Variants in CPXM2 observed in about 807,000 individuals in gnomAD.
CPXM2 encodes the protein inactive carboxypeptidase-like protein X2.
Under a neutral mutation model 86.1 loss-of-function variants are expected in CPXM2, and 66 were observed. The observed-to-expected ratio is 0.77, with a 90% CI of 0.63 to 0.94. The LOEUF (loss-of-function observed/expected upper bound fraction) is 0.94. Ranked by LOEUF, CPXM2 falls within the 40% of genes least tolerant of loss-of-function variation. CPXM2 has a pLI of 0.00. For synonymous variants in CPXM2, 388 were observed against 400.2 expected, an observed-to-expected ratio of 0.97 and a Z score of 0.36; for missense variants, 948 against 1,026.3, an observed-to-expected ratio of 0.92 and a Z score of 1.04.
At chr10:123,831,265 G>A (rs915740580) in intron 4 of CPXM2, among the ~76,000 whole-genome samples, 1 of 152,144 alleles carries the variant, frequency 6.6e-6, no homozygotes, top group African/African-American at 2.4e-5. Flanking sequence ...CCCAAAATCT[G>A]GAATAGTTGC....
At chr10:123,941,138 T>C (rs1945773139), upstream of CPXM2, among the ~76,000 whole-genome samples, 1 of 152,140 alleles carries the variant, frequency 6.6e-6, no homozygotes, top group South Asian at 2.1e-4. Flanking sequence ...GCCACTGCAC[T>C]CCAGCCTGGG....
chr10:123,833,334 C>G (rs942399111), intron 4 of CPXM2, among the ~76,000 whole-genome samples: 1 of 152,100 alleles, frequency 6.6e-6, no homozygotes, highest in African/African-American at 2.4e-5. Context: ...TCCTGCCGGC[C>G]AAATTTATGC....
chr10:123,780,699 T>C (rs1157114134), intron 6 of CPXM2, among the ~76,000 whole-genome samples: 1 of 152,114 alleles, frequency 6.6e-6, no homozygotes, highest in Non-Finnish European at 1.5e-5. Context: ...TCTGGAAGGA[T>C]GTGGACCCTA....
At chr10:123,897,049 C>G (rs1945343523) in intron 2 of CPXM2, among the ~76,000 whole-genome samples, 1 of 151,080 alleles carries the variant, frequency 6.6e-6, no homozygotes, top group Admixed American at 6.6e-5. Context: ...CCCCTTCCCC[C>G]ACCCCCACCC....
At chr10:123,787,870 G>A (rs1223178267) in intron 6 of CPXM2, among the ~76,000 whole-genome samples, 1 of 152,094 alleles carries the variant, frequency 6.6e-6, no homozygotes. Context: ...GGAGGGGCTG[G>A]GGAGTGATTA....
chr10:123,752,487 G>A, intron 13 of CPXM2: 1 of 985,336 alleles, frequency 1.0e-6, no homozygotes. Flanking sequence ...TACATATTTG[G>A]TCTTTTATGC....
intron 11 of CPXM2, among the ~76,000 whole-genome samples, chr10:123,760,300 T>A (rs533208139): frequency 1.3e-5 from 2 of 152,132 alleles, no homozygotes; most frequent in Non-Finnish European, 2.9e-5. Context: ...GTAGGTGGGT[T>A]TTTAGGGCTA....
intron 2 of CPXM2, among the ~76,000 whole-genome samples, chr10:123,900,562 G>A (rs1199408385): frequency 1.3e-5 from 2 of 152,238 alleles, no homozygotes; most frequent in Non-Finnish European, 2.9e-5. Flanking sequence ...GCTGGATGGT[G>A]TCAAGTGTTG....
At chr10:123,830,852 A>ATCTCTCTC (rs150171922) in intron 4 of CPXM2, among the ~76,000 whole-genome samples, 12 of 139,916 alleles carry the variant, frequency 8.6e-5, no homozygotes, top group African/African-American at 3.1e-4. Flanking sequence ...GTATGCACTC[A>ATCTCTCTC]TCTCTCTCTC....
At position 123,761,914 on chromosome 10, in the gene CPXM2, C is replaced by T; in HGVS notation, c.1735G>A (p.Glu579Lys). Residue 579 changes from glutamate (E) to lysine (K), a missense_variant, in exon 11 of 14, where the codon GAG becomes AAG. Physicochemically the swap from Glu to Lys is moderately conservative, Grantham distance 56. Coordinates refer to ENST00000241305, the MANE Select transcript of CPXM2 (RefSeq NM_198148.3). ...CAGGAGGCCCCATTGACAGTGCCCT[C>T]CTCCTTCTGGAAGTCCTCCGTGTGG... The part of the protein sequence containing the change: ...VCHTEDFQKE[E>K]GTVNGASWHT... 1 of 1,613,894 alleles carries T rather than the reference C, an allele frequency of 6.2e-7. No homozygotes were observed. Among genetic ancestry groups the T allele is most frequent in the Non-Finnish European group, 8.5e-7 (1 of 1,179,904 alleles).
At chr10:123,875,877 C>T (rs181250011) in intron 2 of CPXM2, among the ~76,000 whole-genome samples, 27 of 131,562 alleles carry the variant, frequency 2.1e-4, no homozygotes, top group African/African-American at 7.8e-4. Flanking sequence ...AGTGCAATGG[C>T]GTGATCTTGG....
intron 10 of CPXM2, among the ~76,000 whole-genome samples, chr10:123,764,374 G>A (rs1201050797): frequency 6.6e-6 from 1 of 152,122 alleles, no homozygotes; most frequent in Non-Finnish European, 1.5e-5. Flanking sequence ...ATAGTATTGT[G>A]AATAATTGTT....
chr10:123,837,663 A>G (rs546799996), intron 4 of CPXM2, among the ~76,000 whole-genome samples: 2 of 152,338 alleles, frequency 1.3e-5, no homozygotes, highest in African/African-American at 4.8e-5. Context: ...AGGATATTTC[A>G]TAATTGTGAG....
chr10:123,767,046 C>T lies in CPXM2; in HGVS notation c.1406G>A (p.Arg469Gln), dbSNP rs200819708. The change falls in exon 10 of 14, where the codon CGA (arginine) becomes CAA (glutamine). Residue 469 changes from arginine to glutamine, a missense_variant. Physicochemically the swap from Arg to Gln is conservative, Grantham distance 43. Transcript: ENST00000241305. ...GGGAACTTTCCTGGGGACATTCTGT[C>T]GATCCTCTGCCTCCCAGAGCAGCGT... The part of the protein sequence containing the change: ...LNTLLWEAED[R>Q]QNVPRKVPNH... 15 of 1,614,136 alleles carry T rather than the reference C, an allele frequency of 9.3e-6. No homozygotes were observed. In the Admixed American group the frequency reaches 1.7e-4, roughly 18 times the overall value.
At chr10:123,770,133 G>T (rs1846592828) in intron 8 of CPXM2, among the ~76,000 whole-genome samples, 1 of 152,158 alleles carries the variant, frequency 6.6e-6, no homozygotes, top group South Asian at 2.1e-4. Context: ...AATTAGCTGG[G>T]TATGGTGGCA....
chr10:123,879,172 C>A (rs1945041926), intron 2 of CPXM2, among the ~76,000 whole-genome samples: 1 of 152,180 alleles, frequency 6.6e-6, no homozygotes, highest in African/African-American at 2.4e-5. Flanking sequence ...TCTATGATTT[C>A]TTTGATGGCG....
intron 3 of CPXM2, among the ~76,000 whole-genome samples, chr10:123,858,789 C>T (rs1848795292): frequency 6.6e-6 from 1 of 152,232 alleles, no homozygotes; most frequent in Non-Finnish European, 1.5e-5. Context: ...TGTCATGGCC[C>T]TTTCCATGCC....
intron 2 of CPXM2, among the ~76,000 whole-genome samples, chr10:123,936,780 G>A (rs942692662): frequency 1.3e-4 from 20 of 151,954 alleles, no homozygotes; most frequent in African/African-American, 3.1e-4. Flanking sequence ...TCCAGTCCTC[G>A]GGCCCCACTG....
At chr10:123,853,580 GTGT>G (rs1171890556) in intron 3 of CPXM2, among the ~76,000 whole-genome samples, 2 of 152,194 alleles carry the variant, frequency 1.3e-5, no homozygotes, top group African/African-American at 4.8e-5. Context: ...TTGTGTTTTT[GTGT>G]TGTTGTTATA....
Sources: gnomAD v4.1 joint callset for allele counts (sites outside exome capture counted in the v4.1 genomes callset) on GRCh38, gnomAD v4.1.1 for gene constraint, MANE v1.5 for transcripts, NCBI Gene and HGNC (gene_info 2026-07-23, HGNC 2026-07-21) for gene names.